ROCK1: variants seen among roughly 807,000 people sequenced by gnomAD.
ROCK1 encodes the protein Rho associated coiled-coil containing protein kinase 1, also known as rho-associated protein kinase 1.
ROCK1 carries 36 observed loss-of-function variants against 196.8 expected under a neutral mutation model. The ratio of observed to expected loss-of-function variants is 0.18; its 90% CI spans 0.14 to 0.24. The LOEUF (loss-of-function observed/expected upper bound fraction) is 0.24. ROCK1 is among the 10% of genes least tolerant of loss of function. The probability of loss-of-function intolerance (pLI) is 1.00; values close to 1 mark genes in which losing one functional copy is unlikely to be tolerated. For missense variants in ROCK1, 920 were observed against 1,562.0 expected (o/e 0.59, Z 6.93); for synonymous variants, 443 against 515.9 (o/e 0.86, Z 1.91).
intron 1 of ROCK1, among the ~76,000 whole-genome samples, chr18:21,097,007 G>A (rs1250550225): frequency 5.3e-5 from 8 of 152,186 alleles, no homozygotes; most frequent in Non-Finnish European, 1.2e-4. Flanking sequence ...AAAATTGTGT[G>A]AGGAGGACAT....
chr18:21,088,946 T>C (rs192099127), intron 1 of ROCK1, among the ~76,000 whole-genome samples: 8 of 152,272 alleles, frequency 5.3e-5, no homozygotes, highest in Non-Finnish European at 1.0e-4. Flanking sequence ...CCGTTCTTTA[T>C]AAATTACCCA....
intron 21 of ROCK1, among the ~76,000 whole-genome samples, chr18:20,981,053 G>GT (rs1367202080): frequency 1.3e-5 from 2 of 151,882 alleles, no homozygotes; most frequent in Admixed American, 6.6e-5. Context: ...AATCACTTCT[G>GT]TTTTGAGGGG....
intron 18 of ROCK1, among the ~76,000 whole-genome samples, chr18:20,988,259 G>A (rs1292107263): frequency 6.6e-6 from 1 of 151,894 alleles, no homozygotes; most frequent in Non-Finnish European, 1.5e-5. Context: ...TAGAGATGGG[G>A]GTTTCACCAT....
At chr18:20,959,064 T>A (rs1218460554) in intron 29 of ROCK1, among the ~76,000 whole-genome samples, 53 of 45,884 alleles carry the variant, frequency 1.2e-3, no homozygotes, top group African/African-American at 3.5e-3. Flanking sequence ...ATATTATATT[T>A]TATATTATAT....
At chr18:20,999,966 G>A (rs1213001595) in intron 16 of ROCK1, among the ~76,000 whole-genome samples, 4 of 152,166 alleles carry the variant, frequency 2.6e-5, no homozygotes, top group Non-Finnish European at 5.9e-5. Context: ...ACTACACAAA[G>A]TAATCTACAG....
At chr18:20,963,779 C>T (rs2035348537) in intron 27 of ROCK1, among the ~76,000 whole-genome samples, 1 of 152,062 alleles carries the variant, frequency 6.6e-6, no homozygotes, top group African/African-American at 2.4e-5. Context: ...AACAGGCACC[C>T]ATAACCGTAA....
intron 1 of ROCK1, among the ~76,000 whole-genome samples, chr18:21,095,191 T>TA (rs2143591826): frequency 6.6e-6 from 1 of 152,090 alleles, no homozygotes; most frequent in South Asian, 2.1e-4. Flanking sequence ...CTTTTTTTTT[T>TA]AATCCAAGAG....
chr18:21,071,962 CTCTT>C (rs1360714443), intron 1 of ROCK1, among the ~76,000 whole-genome samples: 2 of 152,138 alleles, frequency 1.3e-5, no homozygotes, highest in Non-Finnish European at 2.9e-5. Flanking sequence ...TCACTTCTCT[CTCTT>C]TTATTTCTGT....
chr18:20,980,257 C>T (rs1383381560), intron 21 of ROCK1, among the ~76,000 whole-genome samples: 1 of 150,950 alleles, frequency 6.6e-6, no homozygotes, highest in African/African-American at 2.4e-5. Context: ...AAACAAAAAA[C>T]AAAACTGTGG....
At position 20,948,235 on chromosome 18, in the gene ROCK1, A is replaced by T. The variant is rs2035148388; in HGVS notation, c.*3149T>A. 6.6e-6 allele frequency: 1 copy of T among 152,220 alleles called. No homozygotes were observed. The highest frequency in any genetic ancestry group is 2.4e-5 in the African/African-American group (1 of 41,444). 9.4% of individuals were successfully genotyped at this position (152,220 alleles called of 1,614,324 possible). ...TCTTATTATAAAGTTACAGTAATTAAAAGTGTGATATTGGCAAGGACACAG... is the reference window on the plus strand; with the variant it reads ...TCTTATTATAAAGTTACAGTAATTATAAGTGTGATATTGGCAAGGACACAG... On this transcript the variant is annotated 3_prime_UTR_variant, in exon 33 of 33. Coordinates refer to ENST00000399799, the MANE Select transcript of ROCK1 (RefSeq NM_005406.3).
At chr18:21,030,530 C>G (rs1169616577) in intron 9 of ROCK1, among the ~76,000 whole-genome samples, 1 of 152,142 alleles carries the variant, frequency 6.6e-6, no homozygotes, top group Non-Finnish European at 1.5e-5. Context: ...TCTGATGGAC[C>G]TACTCTTTTT....
intron 27 of ROCK1, among the ~76,000 whole-genome samples, chr18:20,962,761 T>A (rs1367331373): frequency 2.6e-5 from 4 of 152,156 alleles, no homozygotes; most frequent in Non-Finnish European, 5.9e-5. Flanking sequence ...GTCAAGAATA[T>A]GTGAAGGTTT....
intron 22 of ROCK1, among the ~76,000 whole-genome samples, chr18:20,972,024 G>A (rs977075036): frequency 6.6e-6 from 1 of 152,152 alleles, no homozygotes; most frequent in African/African-American, 2.4e-5. Flanking sequence ...CATTCTGGCT[G>A]CTGTATTAAG....
chr18:21,046,874 A>T (rs1337094189), intron 4 of ROCK1, among the ~76,000 whole-genome samples: 1 of 151,950 alleles, frequency 6.6e-6, no homozygotes, highest in Non-Finnish European at 1.5e-5. Flanking sequence ...TTTTGTAGAG[A>T]TTGGGAGCCA....
At position 20,967,638 on chromosome 18, in the gene ROCK1, A is replaced by T. The variant is rs1004663629; in HGVS notation, c.3192+114T>A. ...AATTTCAGTCTGAAACCAAACAGGCAGAACCCTTGATTGTTCCCAATCTAA... is the reference window on the plus strand; with the variant it reads ...AATTTCAGTCTGAAACCAAACAGGCTGAACCCTTGATTGTTCCCAATCTAA... On this transcript the variant is annotated intron_variant, in intron 26 of 32. Transcript: ENST00000399799. 5.0e-6 allele frequency: 4 copies of T among 797,174 alleles called. No homozygotes were observed. The African/African-American group carries it at 7.1e-5, about 14-fold the overall frequency. 49.4% of individuals were successfully genotyped at this position (797,174 alleles called of 1,614,324 possible).
At position 20,950,567 on chromosome 18, in the gene ROCK1, CA is replaced by C. The variant is rs1400166007; in HGVS notation, c.*816del. The C allele has an allele frequency of 6.6e-6, 1 of 151,650 alleles. No homozygotes were observed. The highest frequency in any genetic ancestry group is 2.4e-5 in the African/African-American group (1 of 41,122). The allele number at this position is 151,650 out of a possible 1,614,324, so 9.4% of individuals were successfully genotyped here. On this transcript the variant is annotated 3_prime_UTR_variant, in exon 33 of 33. Transcript: ENST00000399799. ...TTAATGTCTTTATCATTTAAAACCA[CA>C]AAGAAATACATTATACAATTATAGA...
Position 21,044,117 on chromosome 18 carries a change from A to G in ROCK1, c.660T>C (p.Cys220=), listed in dbSNP as rs1318852544. 1.3e-5 allele frequency: 21 copies of G among 1,606,230 alleles called. No homozygotes were observed. The highest frequency in any genetic ancestry group is 1.8e-5 in the Non-Finnish European group (21 of 1,174,720). Reference sequence around the variant, plus strand: ...GTTAATTAACCTTATTCATCTTCATACAAGTACCAAAATCTGCTAACTTCA... The same window carrying G: ...GTTAATTAACCTTATTCATCTTCATGCAAGTACCAAAATCTGCTAACTTCA... ...GHLKLADFGT[C]MKMNKEGMVR... The change falls in exon 6 of 33, where the codon TGT becomes TGC. Residue 220 remains cysteine (C), a synonymous_variant. Transcript: ENST00000399799.
In ROCK1 at chr18:21,049,246, G is replaced by C. The variant is rs367930199; in HGVS notation, c.277-17C>G. ...ATGCCTTACCTTTAAAATTGAAAAG[G>C]GAAAATAATGAACCTTTTGTTAACA... On this transcript the variant is annotated splice_polypyrimidine_tract_variant and intron_variant, in intron 3 of 32. Transcript: ENST00000399799. 5.9e-6 allele frequency: 9 copies of C among 1,526,058 alleles called. No individual in the cohort carries two copies. The East Asian group carries it at 1.7e-4, about 28-fold the overall frequency. 94.5% of individuals were successfully genotyped at this position (1,526,058 alleles called of 1,614,324 possible).
intron 28 of ROCK1, 34 bp downstream of exon 28, chr18:20,960,102 A>T (rs367937283): frequency 1.4e-4 from 190 of 1,384,674 alleles, no homozygotes; most frequent in Non-Finnish European, 1.9e-4. Flanking sequence ...TATAGAACAA[A>T]ATACCAGTTA....
Sources: allele counts gnomAD v4.1 joint callset (sites outside exome capture counted in the v4.1 genomes callset), GRCh38; gene constraint gnomAD v4.1.1; transcripts MANE v1.5; gene names NCBI Gene and HGNC (gene_info 2026-07-23, HGNC 2026-07-21).